The following TET3 variants were observed in gnomAD, a reference collection of about 807,000 sequenced individuals.
The protein encoded by TET3 is tet methylcytosine dioxygenase 3, also known as methylcytosine dioxygenase TET3.
TET3 carries 19 observed loss-of-function variants against 141.4 expected under a neutral mutation model. The ratio of observed to expected loss-of-function variants is 0.13; its 90% CI spans 0.09 to 0.20. The LOEUF (loss-of-function observed/expected upper bound fraction) is 0.20, where lower values mean the gene tolerates loss of function less well. TET3 is among the 10% of genes least tolerant of loss of function. The pLI is 1.00. For missense variants in TET3, 1,874 were observed against 2,356.9 expected (o/e 0.80, Z 4.24); for synonymous variants, 1,043 against 980.9 (o/e 1.06, Z -1.18).
Position 73,986,542 on chromosome 2 carries a change from G to A in TET3, c.139G>A (p.Gly47Ser), listed in dbSNP as rs1684036376. 3.2e-6 allele frequency: 4 copies of A among 1,232,242 alleles called. No individual in the cohort carries two copies. The highest frequency in any genetic ancestry group is 4.0e-6 in the Non-Finnish European group (4 of 988,052). The allele number at this position is 1,232,242 out of a possible 1,614,324, so 76.3% of individuals were successfully genotyped here. The change falls in exon 2 of 12, where the codon GGT becomes AGT. Residue 47 changes from glycine to serine, a missense_variant. Around this residue, in one of 10 missense-constraint regions of TET3, gnomAD observed 366 missense variants for 487.0 expected, o/e 0.75. Transcript: ENST00000409262. ...MAGSESQLRG[G>S]GDGRKKRKRC... ...TGGGAGTGAGTCCCAACTCCGAGGGGGTGGAGATGGTCGAAAGAAACGGAA... is the reference window on the plus strand; with the variant it reads ...TGGGAGTGAGTCCCAACTCCGAGGGAGTGGAGATGGTCGAAAGAAACGGAA...
rs1263804433 is a variant in TET3, at chr2:74,101,265, T to C, written c.4477T>C (p.Phe1493Leu). 1.2e-6 allele frequency: 2 copies of C among 1,612,664 alleles called. No homozygotes were observed. The highest frequency in any genetic ancestry group is 4.5e-5 in the East Asian group (2 of 44,854). The change falls in exon 12 of 12, where the codon TTC (phenylalanine) becomes CTC (leucine). Residue 1493 changes from phenylalanine (F) to leucine (L), a missense_variant. Phe to Leu is a conservative substitution (Grantham distance 22). Around this residue, in one of 10 missense-constraint regions of TET3, gnomAD observed 602 missense variants for 590.2 expected, o/e 1.02. Coordinates refer to ENST00000409262, the MANE Select transcript of TET3 (RefSeq NM_001287491.2). This position sits in a 1 kb window ranked among gnomAD's most constrained non-coding sequence, Gnocchi z 8.5. ...SHFTDGQWGL[F>L]PGEGQQAASH... Reference sequence around the variant, plus strand: ...CTTCACAGATGGCCAGTGGGGGCTGTTCCCCGGTGAGGGGCAGCAGGCAGC... The same window carrying C: ...CTTCACAGATGGCCAGTGGGGGCTGCTCCCCGGTGAGGGGCAGCAGGCAGC...
chr2:74,084,676 A>G (rs949033243), intron 6 of TET3, among the ~76,000 whole-genome samples: 1 of 151,976 alleles, frequency 6.6e-6, no homozygotes, highest in African/African-American at 2.4e-5. Flanking sequence ...GATGGTCTCG[A>G]TCTCCTGACC....
chr2:73,994,614 TTTTCTTTCTTTC>T (rs935777591), intron 2 of TET3, among the ~76,000 whole-genome samples: 12 of 143,616 alleles, frequency 8.4e-5, no homozygotes, highest in African/African-American at 1.7e-4. Flanking sequence ...GGTCTATTTT[TTTTCTTTCTTTC>T]TTTCTTTCTT....
the TET3 span, among the ~76,000 whole-genome samples, chr2:74,129,334 A>C: frequency 3.4e-5 from 5 of 149,014 alleles, no homozygotes; most frequent in Admixed American, 6.7e-5. Context: ...AAAAAAAAAA[A>C]AAAAAAAAAA....
At chr2:74,131,409 C>A in the TET3 span, among the ~76,000 whole-genome samples, 1 of 152,212 alleles carries the variant, frequency 6.6e-6, no homozygotes, top group Non-Finnish European at 1.5e-5. Context: ...ATTCACTCAC[C>A]TTTCCCACTC....
At chr2:74,088,493 T>A (rs777001222) in intron 7 of TET3, among the ~76,000 whole-genome samples, 1 of 151,514 alleles carries the variant, frequency 6.6e-6, no homozygotes, top group African/African-American at 2.4e-5. Flanking sequence ...ATAAAAAAAT[T>A]AGTCAGGCGT....
At chr2:74,010,988 A>G (rs1411329530) in intron 3 of TET3, among the ~76,000 whole-genome samples, 1 of 152,172 alleles carries the variant, frequency 6.6e-6, no homozygotes, top group Admixed American at 6.5e-5. Context: ...GTGTAATCCC[A>G]GCACTTTGGG....
chr2:73,983,633 C>A (rs1040126868), upstream of TET3, among the ~76,000 whole-genome samples: 5 of 152,268 alleles, frequency 3.3e-5, no homozygotes, highest in Non-Finnish European at 5.9e-5. Flanking sequence ...CTGGACAGCG[C>A]TACTTCAGAT....
chr2:74,134,435 A>G, the TET3 span: 4 of 309,558 alleles, frequency 1.3e-5, no homozygotes, highest in African/African-American at 2.2e-5. Context: ...TATGAACAGA[A>G]TATTTGAAAT....
At chr2:74,059,722 T>A (rs1425551098) in intron 4 of TET3, among the ~76,000 whole-genome samples, 2 of 151,150 alleles carry the variant, frequency 1.3e-5, no homozygotes, top group African/African-American at 4.9e-5. Context: ...AATTTGTAAA[T>A]TTTTTTTTAG....
chr2:74,033,077 T>C (rs2105302675), intron 3 of TET3, among the ~76,000 whole-genome samples: 1 of 152,340 alleles, frequency 6.6e-6, no homozygotes, highest in East Asian at 1.9e-4. Context: ...GCACAAAAAA[T>C]ACCCAGAAAT....
At chr2:74,080,473 T>A in intron 5 of TET3, 25 bp from the exon 6 acceptor site, 1 of 1,602,524 alleles carries the variant, frequency 6.2e-7, no homozygotes, top group Non-Finnish European at 8.5e-7. Context: ...GCTGTGCTAA[T>A]GGTGGCTTCT....
chr2:74,024,758 A>C (rs1686239846), intron 3 of TET3, among the ~76,000 whole-genome samples: 1 of 152,220 alleles, frequency 6.6e-6, no homozygotes, highest in South Asian at 2.1e-4. Context: ...TACAGTAAAC[A>C]TCACTCTTTT....
chr2:74,070,303 A>T (rs1239156652), intron 4 of TET3, among the ~76,000 whole-genome samples: 1 of 152,228 alleles, frequency 6.6e-6, no homozygotes, highest in South Asian at 2.1e-4. Flanking sequence ...CTTACATGGC[A>T]GCAGACAAGA....
At position 74,010,330 on chromosome 2, in the gene TET3, C is replaced by T. The variant is rs746319971; in HGVS notation, c.360+7164C>T. Among the ~76,000 whole-genome samples, 148 of 152,310 alleles carry T rather than the reference C, an allele frequency of 9.7e-4. 1 individual carries two copies. Among genetic ancestry groups the T allele is most frequent in the Non-Finnish European group, 1.4e-3 (98 of 68,024 alleles). On this transcript the variant is annotated intron_variant, in intron 3 of 11. Coordinates refer to ENST00000409262, the MANE Select transcript of TET3 (RefSeq NM_001287491.2). ...TGTTGCTCCCCGCTGGGTCTTTGCC[C>T]GAGGTCTGGGGGAAGCCGGATGTGG...
the TET3 span, chr2:74,121,918 G>C: frequency 6.6e-6 from 1 of 152,206 alleles, no homozygotes; most frequent in African/African-American, 2.4e-5. Flanking sequence ...GAATCGCTTG[G>C]ACCTGGGAGG....
At chr2:74,063,218 G>A (rs936228414) in intron 4 of TET3, among the ~76,000 whole-genome samples, 4 of 151,598 alleles carry the variant, frequency 2.6e-5, no homozygotes, top group African/African-American at 9.7e-5. Context: ...AGTATGCCAG[G>A]CTTCTCATGT....
chr2:74,129,555 C>T, the TET3 span, among the ~76,000 whole-genome samples: 4 of 151,806 alleles, frequency 2.6e-5, no homozygotes, highest in Non-Finnish European at 5.9e-5. Flanking sequence ...ATTGCTTGAA[C>T]CCAGCAGGCA....
At chr2:74,011,712 T>G (rs1289087856) in intron 3 of TET3, among the ~76,000 whole-genome samples, 1 of 152,192 alleles carries the variant, frequency 6.6e-6, no homozygotes, top group African/African-American at 2.4e-5. Context: ...TTTTTGATTT[T>G]GTAAGTAATA....
Sources: allele counts gnomAD v4.1 joint callset (sites outside exome capture counted in the v4.1 genomes callset), GRCh38; gene constraint gnomAD v4.1.1; regional missense constraint gnomAD v4.1.1; non-coding constraint Gnocchi (gnomAD v3.1); transcripts MANE v1.5; gene names NCBI Gene and HGNC (gene_info 2026-07-23, HGNC 2026-07-21).